The following CCDC80 variants were observed in gnomAD, a reference collection of about 807,000 sequenced individuals.
CCDC80 encodes coiled-coil domain-containing protein 80.
CCDC80 carries 49 observed loss-of-function variants against 78.7 expected under a neutral mutation model. The ratio of observed to expected loss-of-function variants is 0.62; its 90% CI spans 0.50 to 0.79. The LOEUF (loss-of-function observed/expected upper bound fraction) is 0.79, where lower values mean the gene tolerates loss of function less well. Among genes scored for constraint, CCDC80 ranks in the 30% least tolerant of loss-of-function variants. CCDC80 has a pLI of 0.00. For synonymous variants in CCDC80, 488 were observed against 447.0 expected (o/e 1.09, Z -1.16); for missense variants, 1,205 against 1,198.6 (o/e 1.01, Z -0.08).
Position 112,616,786 on chromosome 3 carries a change from C to T in CCDC80, c.2245G>A (p.Asp749Asn), listed in dbSNP as rs375158760. The T allele has an allele frequency of 4.3e-6, 7 of 1,614,076 alleles. No individual in the cohort carries two copies. Among genetic ancestry groups the T allele is most frequent in the Admixed American group, 1.7e-5 (1 of 60,010 alleles). The change falls in exon 5 of 8, where the codon GAT becomes AAT. Residue 749 changes from aspartate to asparagine, a missense_variant. Transcript: ENST00000206423. ...CCCTCCTTCTTCTGCTTCTCCATAT[C>T]TTTGATTCGGGACTGGAAAGTATCG... ...LIDTFQSRIK[D>N]MEKQKKEGIV...
intron 5 of CCDC80, among the ~76,000 whole-genome samples, chr3:112,611,309 T>C (rs1255907617): frequency 2.0e-5 from 3 of 152,210 alleles, no homozygotes; most frequent in Non-Finnish European, 4.4e-5. Flanking sequence ...ATCCACATGA[T>C]AACATGGATA....
In CCDC80 at chr3:112,601,324, ATC is replaced by A. The variant is rs1935369934; in HGVS notation, c.*4091_*4092del. 1 of 152,196 alleles carries A rather than the reference ATC, an allele frequency of 6.6e-6. No homozygotes were observed. Among genetic ancestry groups the A allele is most frequent in the Non-Finnish European group, 1.5e-5 (1 of 68,034 alleles). 9.4% of individuals were successfully genotyped at this position (152,196 alleles called of 1,614,324 possible). ...ACATGTGGTTTGAATGCATTTATTA[ATC>A]TCTGTACTTATTAGAATTAATAATA... On this transcript the variant is annotated 3_prime_UTR_variant, in exon 8 of 8. Transcript: ENST00000206423.
chr3:112,638,832 G>A lies in CCDC80; in HGVS notation c.1074C>T (p.Ala358=). The change falls in exon 2 of 8, where the codon GCC becomes GCT. Residue 358 remains alanine (A), a synonymous_variant. Coordinates refer to ENST00000206423, the MANE Select transcript of CCDC80 (RefSeq NM_199511.3). ...GGGACGTGGACCGAGTCACTGTTGT[G>A]GCTGGGGCAGGAGGAAGGGTGGTGG... ...PRATTLPPAP[A]TTVTRSTSRA... is the part of the protein sequence containing the mutation. 3.1e-6 allele frequency: 5 copies of A among 1,613,830 alleles called. No homozygotes were observed. The highest frequency in any genetic ancestry group is 4.2e-6 in the Non-Finnish European group (5 of 1,180,032).
At chr3:112,619,446 A>T (rs1013805815) in intron 3 of CCDC80, among the ~76,000 whole-genome samples, 28 of 152,160 alleles carry the variant, frequency 1.8e-4, no homozygotes, top group Admixed American at 1.2e-3. Context: ...CTTCACCCTA[A>T]CTCACCGGGG....
intron 3 of CCDC80, among the ~76,000 whole-genome samples, chr3:112,624,254 A>G (rs974649234): frequency 3.3e-5 from 5 of 152,220 alleles, no homozygotes; most frequent in Admixed American, 1.3e-4. Context: ...TTGGTTTTGC[A>G]TGCATTAGGT....
intron 1 of CCDC80, 61 bp from the exon 2 acceptor site, chr3:112,639,977 T>C: frequency 6.6e-7 from 1 of 1,523,300 alleles, no homozygotes; most frequent in South Asian, 1.3e-5. Context: ...GAAAATTATT[T>C]ATCTGGAAAC....
intron 4 of CCDC80, among the ~76,000 whole-genome samples, chr3:112,618,254 C>T (rs1367376019): frequency 1.3e-5 from 2 of 152,208 alleles, no homozygotes; most frequent in East Asian, 3.8e-4. Context: ...GGCGTGGTGG[C>T]TCACGCCTGT....
At chr3:112,633,255 C>A (rs1477897790) in intron 2 of CCDC80, among the ~76,000 whole-genome samples, 1 of 152,124 alleles carries the variant, frequency 6.6e-6, no homozygotes, top group African/African-American at 2.4e-5. Flanking sequence ...CTGAATAATT[C>A]ACCCACAATC....
intron 2 of CCDC80, among the ~76,000 whole-genome samples, chr3:112,636,485 C>T (rs972614169): frequency 6.6e-6 from 1 of 152,170 alleles, no homozygotes; most frequent in Non-Finnish European, 1.5e-5. Context: ...AATACACAGA[C>T]CTACTATCAA....
intron 6 of CCDC80, 123 bp from the exon 7 acceptor site, chr3:112,607,379 G>A (rs984071821): frequency 8.5e-6 from 5 of 585,864 alleles, no homozygotes; most frequent in Non-Finnish European, 1.1e-5. Context: ...AGCATAACCC[G>A]ATTGAGAAGA....
chr3:112,597,523 T>C lies in CCDC80; in HGVS notation c.*7894A>G, dbSNP rs1343452103. On this transcript the variant is annotated 3_prime_UTR_variant, in exon 8 of 8. Transcript: ENST00000206423. ...TTTCTATGAATTCATTACTTTTTAG[T>C]TTATTTCAGGGAGGGGGTGGTGTTT... The C allele has an allele frequency of 6.6e-6, 1 of 152,144 alleles. No individual in the cohort carries two copies. The highest frequency in any genetic ancestry group is 2.4e-5 in the African/African-American group (1 of 41,436). 9.4% of individuals were successfully genotyped at this position (152,144 alleles called of 1,614,324 possible).
rs1936256682 is a variant in CCDC80 at position 112,638,368 on chromosome 3, C to A, written c.1538G>T (p.Ser513Ile). The A allele has an allele frequency of 1.2e-6, 2 of 1,614,022 alleles. No homozygotes were observed. The highest frequency in any genetic ancestry group is 1.7e-6 in the Non-Finnish European group (2 of 1,180,046). Reference protein sequence around the residue: ...SNEYEEKYDLSRPTASQLEDE... With the variant: ...SNEYEEKYDLIRPTASQLEDE... The stretch of plus-strand genomic sequence containing the variant: ...CTCCAGCTGAGAGGCAGTAGGCCGG[C>A]TGAGGTCATACTTCTCCTCATACTC... The change falls in exon 2 of 8, where the codon AGC becomes ATC. Residue 513 changes from serine to isoleucine, a missense_variant. By Grantham distance (142) the Ser-to-Ile change is moderately radical. Transcript: ENST00000206423.
At position 112,598,663 on chromosome 3, in the gene CCDC80, A is replaced by G. The variant is rs1177711038; in HGVS notation, c.*6754T>C. Reference sequence around the variant, plus strand: ...TGTGCGGTCTGCTCAGGGGCTGCCCAGTTTGTCCAAGCTTTAGGATATTAG... The same window carrying G: ...TGTGCGGTCTGCTCAGGGGCTGCCCGGTTTGTCCAAGCTTTAGGATATTAG... On this transcript the variant is annotated 3_prime_UTR_variant, in exon 8 of 8. Transcript: ENST00000206423. The G allele has an allele frequency of 6.6e-6, 1 of 152,234 alleles. No homozygotes were observed. The highest frequency in any genetic ancestry group is 2.4e-5 in the African/African-American group (1 of 41,440). 9.4% of individuals were successfully genotyped at this position (152,234 alleles called of 1,614,324 possible).
At position 112,638,447 on chromosome 3, in the gene CCDC80, G is replaced by T. The variant is rs140232948; in HGVS notation, c.1459C>A (p.Pro487Thr). 52 of 1,612,298 alleles carry T rather than the reference G, an allele frequency of 3.2e-5. No individual in the cohort carries two copies. The highest frequency in any genetic ancestry group is 3.6e-5 in the Non-Finnish European group (42 of 1,179,760). ...TTTTTGGGAGGTTTCTCCTTTGCTG[G>T]CTTGGGAGGACCTGGCACCACATTT... ...DPNVVPGPPKPAKEKPPKKKA... is the reference protein window; with the variant it reads ...DPNVVPGPPKTAKEKPPKKKA... The change falls in exon 2 of 8, where the codon CCA becomes ACA. Residue 487 changes from proline to threonine, a missense_variant. Transcript: ENST00000206423.
intron 3 of CCDC80, among the ~76,000 whole-genome samples, chr3:112,626,594 T>A (rs1935979796): frequency 1.3e-5 from 2 of 152,116 alleles, no homozygotes; most frequent in Admixed American, 1.3e-4. Context: ...GTCACCCAGG[T>A]TAGAGTGTAC....
At chr3:112,628,124 G>A (rs1056894260) in intron 3 of CCDC80, among the ~76,000 whole-genome samples, 2 of 152,154 alleles carry the variant, frequency 1.3e-5, no homozygotes, top group African/African-American at 4.8e-5. Flanking sequence ...TTCATCACTA[G>A]CCAGCACCAG....
At chr3:112,627,976 A>G (rs1936012051) in intron 3 of CCDC80, among the ~76,000 whole-genome samples, 1 of 152,168 alleles carries the variant, frequency 6.6e-6, no homozygotes, top group African/African-American at 2.4e-5. Flanking sequence ...CCAGATGCTT[A>G]TAATGGGACC....
At chr3:112,608,155 G>A (rs1437231461) in intron 6 of CCDC80, among the ~76,000 whole-genome samples, 3 of 152,206 alleles carry the variant, frequency 2.0e-5, no homozygotes, top group Non-Finnish European at 2.9e-5. Context: ...AAAGAAAATA[G>A]GAGGACAAAG....
Position 112,639,091 on chromosome 3 carries a change from A to T in CCDC80, c.815T>A (p.Ile272Asn). Residue 272 changes from isoleucine to asparagine, a missense_variant, in exon 2 of 8, where the codon ATC becomes AAC. Physicochemically the swap from Ile to Asn is moderately radical, Grantham distance 149. Transcript: ENST00000206423. ...TTTCTGGACAAAGCCCTTCTGCCTG[A>T]TCTTCTCGATCCTACGGATGGGGCC... ...DQGPIRRIEK[I>N]RQKGFVQKCK... 6.2e-7 allele frequency: 1 copy of T among 1,613,706 alleles called. No individual in the cohort carries two copies. The highest frequency in any genetic ancestry group is 8.5e-7 in the Non-Finnish European group (1 of 1,179,990).
Sources: gnomAD v4.1 joint callset for allele counts (sites outside exome capture counted in the v4.1 genomes callset) on GRCh38, gnomAD v4.1.1 for gene constraint, MANE v1.5 for transcripts, NCBI Gene and HGNC (gene_info 2026-07-23, HGNC 2026-07-21) for gene names.